Variants in JAKMIP3 observed in about 807,000 individuals in gnomAD.
JAKMIP3 encodes Janus kinase and microtubule interacting protein 3, also known as janus kinase and microtubule-interacting protein 3.
A neutral mutation model predicts 118.5 loss-of-function variants in JAKMIP3; 58 were observed. The ratio of observed to expected loss-of-function variants is 0.49; its 90% CI spans 0.40 to 0.61. JAKMIP3 has a LOEUF of 0.61. Ranked by LOEUF, JAKMIP3 falls within the 20% of genes least tolerant of loss-of-function variation. The pLI, the probability that JAKMIP3 is intolerant of heterozygous loss-of-function variation, is 0.00. For synonymous variants in JAKMIP3, 486 were observed against 451.2 expected (o/e 1.08, Z -0.98); for missense variants, 950 against 1,109.0 (o/e 0.86, Z 2.04).
intron 23 of JAKMIP3, among the ~76,000 whole-genome samples, chr10:132,180,586 C>T (rs1291685658): frequency 0.092 from 894 of 9,708 alleles, 199 homozygotes; most frequent in African/African-American, 0.2. Flanking sequence ...TGTGCGTGCG[C>T]GTGTGTGTGT....
chr10:132,094,608 G>A (rs1271196092), intron 1 of JAKMIP3, among the ~76,000 whole-genome samples: 1 of 152,118 alleles, frequency 6.6e-6, no homozygotes, highest in Non-Finnish European at 1.5e-5. Context: ...CTGTCTGTGG[G>A]CCTCTTGGAC....
chr10:132,167,812 TCACCCC>T (rs1344800704), intron 22 of JAKMIP3, 135 bp from the exon 23 acceptor site: 2 of 342,840 alleles, frequency 5.8e-6, no homozygotes, highest in African/African-American at 5.0e-5. Context: ...TCCTCACCCC[TCACCCC>T]TCGGCCCTCA....
upstream of JAKMIP3, among the ~76,000 whole-genome samples, chr10:132,062,667 C>T (rs541263671): frequency 2.6e-4 from 39 of 152,300 alleles, no homozygotes; most frequent in South Asian, 6.0e-3. Context: ...GCAATGATGA[C>T]GAATTCATAG....
intron 16 of JAKMIP3, among the ~76,000 whole-genome samples, 176 bp downstream of exon 16, chr10:132,150,217 A>G (rs1369592283): frequency 1.3e-5 from 2 of 151,790 alleles, no homozygotes; most frequent in Admixed American, 6.5e-5. Context: ...ACACTGCTCC[A>G]GGGCCCACTG....
chr10:132,104,575 G>T, intron 1 of JAKMIP3, 97 bp from the exon 2 acceptor site: 1 of 553,556 alleles, frequency 1.8e-6, no homozygotes, highest in East Asian at 3.0e-5. Context: ...GCAATGAGGT[G>T]GGGGGTCCAC....
At chr10:132,100,913 C>T (rs2044785107) in intron 1 of JAKMIP3, among the ~76,000 whole-genome samples, 1 of 152,174 alleles carries the variant, frequency 6.6e-6, no homozygotes, top group East Asian at 1.9e-4. Flanking sequence ...CCGCAGACCC[C>T]AGCTGGGTGC....
At chr10:132,163,898 G>A (rs1190712989) in intron 20 of JAKMIP3, among the ~76,000 whole-genome samples, 1 of 152,238 alleles carries the variant, frequency 6.6e-6, no homozygotes, top group Admixed American at 6.5e-5. Context: ...TTTGCCTCAG[G>A]GCACTGTGGG....
chr10:132,146,650 G>C lies in JAKMIP3; in HGVS notation c.1749+1070G>C, dbSNP rs80040911. Among the ~76,000 whole-genome samples the C allele has an allele frequency of 8.1e-3, 1,227 of 152,304 alleles. 9 individuals carry two copies. Among genetic ancestry groups the C allele is most frequent in the Non-Finnish European group, 0.014 (955 of 68,018 alleles). The stretch of plus-strand genomic sequence containing the variant: ...CTAGGGTAGCCTGGCTGATGAGTCT[G>C]ATCTGTGCCAACAGGACAGAGCTTC... On this transcript the variant is annotated intron_variant, in intron 13 of 23. Coordinates refer to ENST00000684848, the MANE Select transcript of JAKMIP3 (RefSeq NM_001323087.2).
chr10:132,122,203 G>A (rs1308486800), intron 3 of JAKMIP3, among the ~76,000 whole-genome samples: 4 of 150,998 alleles, frequency 2.6e-5, no homozygotes, highest in South Asian at 2.1e-4. Context: ...CCCGGCTGTC[G>A]GGGCCCTGAC....
intron 5 of JAKMIP3, among the ~76,000 whole-genome samples, 167 bp from the exon 6 acceptor site, chr10:132,135,763 C>T (rs2051639684): frequency 1.3e-5 from 2 of 151,794 alleles, no homozygotes; most frequent in Admixed American, 6.5e-5. Flanking sequence ...AGTGGGTTCA[C>T]CCGGGCGCTG....
chr10:132,050,939 G>T (rs1402635279), intron 1 of JAKMIP3, among the ~76,000 whole-genome samples: 19 of 139,022 alleles, frequency 1.4e-4, no homozygotes, highest in Admixed American at 2.3e-4. Flanking sequence ...CCGTTCTGGT[G>T]AGTGGGTACC....
chr10:132,148,150 A>ATGAACT (rs1165763837), intron 14 of JAKMIP3, 100 bp downstream of exon 14: 6 of 695,052 alleles, frequency 8.6e-6, no homozygotes, highest in Non-Finnish European at 1.5e-5. Flanking sequence ...GAACATGAAC[A>ATGAACT]TGAACATGAA....
intron 1 of JAKMIP3, among the ~76,000 whole-genome samples, chr10:132,081,562 G>A (rs2041764191): frequency 6.6e-6 from 1 of 152,168 alleles, no homozygotes; most frequent in South Asian, 2.1e-4. Flanking sequence ...TTATCCCAGT[G>A]CCCGCATCTT....
intron 19 of JAKMIP3, among the ~76,000 whole-genome samples, chr10:132,156,954 T>C (rs2057169800): frequency 6.6e-6 from 1 of 152,194 alleles, no homozygotes; most frequent in South Asian, 2.1e-4. Flanking sequence ...AAAAGTTCAC[T>C]ACGTGCCCAG....
intron 14 of JAKMIP3, among the ~76,000 whole-genome samples, chr10:132,148,363 G>C (rs546292363): frequency 3.9e-5 from 6 of 152,294 alleles, no homozygotes; most frequent in Admixed American, 2.6e-4. Flanking sequence ...TCAGTGTCAT[G>C]CAGGGAAAAC....
intron 21 of JAKMIP3, among the ~76,000 whole-genome samples, chr10:132,165,084 G>A (rs1215370351): frequency 6.6e-6 from 1 of 152,240 alleles, no homozygotes; most frequent in African/African-American, 2.4e-5. Context: ...CTGAAGCCTG[G>A]GCTGTGTGGA....
At chr10:132,041,719 A>G (rs181571561) in intron 1 of JAKMIP3, among the ~76,000 whole-genome samples, 44 of 152,292 alleles carry the variant, frequency 2.9e-4, no homozygotes, top group Middle Eastern at 6.8e-3. Flanking sequence ...AGAGAATTTC[A>G]TCGTCCGTTA....
chr10:132,109,793 C>A (rs2046572687), intron 2 of JAKMIP3, among the ~76,000 whole-genome samples: 1 of 152,242 alleles, frequency 6.6e-6, no homozygotes. Flanking sequence ...GGCCCCTGGG[C>A]TCTTGCAGCT....
Position 132,163,235 on chromosome 10 carries a change from G to A in JAKMIP3, c.2247G>A (p.Leu749=). ...NKHILELEAM[L]YDALQQEAGA... is the part of the protein sequence containing the mutation. ...ACATCCTGGAGCTGGAAGCCATGCT[G>A]TATGATGCCCTGCAGCAGGAGGCCG... Residue 749 remains leucine, a synonymous_variant, in exon 20 of 24, where the codon CTG becomes CTA. Coordinates refer to ENST00000684848, the MANE Select transcript of JAKMIP3 (RefSeq NM_001323087.2). 2 of 1,570,044 alleles carry A rather than the reference G, an allele frequency of 1.3e-6. No homozygotes were observed. The highest frequency in any genetic ancestry group is 8.6e-7 in the Non-Finnish European group (1 of 1,158,076).
Sources: gnomAD v4.1 joint callset for allele counts (sites outside exome capture counted in the v4.1 genomes callset) on GRCh38, gnomAD v4.1.1 for gene constraint, MANE v1.5 for transcripts, NCBI Gene and HGNC (gene_info 2026-07-23, HGNC 2026-07-21) for gene names.